EIPR1: variants seen among roughly 807,000 people sequenced by gnomAD.
The protein encoded by EIPR1 is EARP and GARP complex-interacting protein 1.
Under a neutral mutation model 48.1 loss-of-function variants are expected in EIPR1, and 25 were observed. The observed-to-expected ratio is 0.52, with a 90% confidence interval of 0.38 to 0.73. The LOEUF is 0.73. Ranked by LOEUF, EIPR1 falls within the 30% of genes least tolerant of loss-of-function variation. EIPR1 has a pLI of 0.00. For missense variants in EIPR1, 415 were observed against 506.2 expected (o/e 0.82, Z 1.73); for synonymous variants, 204 against 201.9 (o/e 1.01, Z -0.09).
At chr2:3,202,232 C>G (rs367643717) in intron 5 of EIPR1, among the ~76,000 whole-genome samples, 6 of 152,246 alleles carry the variant, frequency 3.9e-5, no homozygotes, top group African/African-American at 1.4e-4. Context: ...CCACCGCACC[C>G]GGCCTAGGTT....
Position 3,280,884 on chromosome 2 carries a change from C to T in EIPR1, c.260-23429G>A, listed in dbSNP as rs555388936. Reference sequence around the variant, plus strand: ...GAGCACAAGCAGCCAGTGCCACCCGCGCCTCCTCCTGTGGTCATTTCCAGG... The same window carrying T: ...GAGCACAAGCAGCCAGTGCCACCCGTGCCTCCTCCTGTGGTCATTTCCAGG... On this transcript the variant is annotated intron_variant, in intron 3 of 8. Coordinates refer to ENST00000382125, the MANE Select transcript of EIPR1 (RefSeq NM_003310.5). Among the ~76,000 whole-genome samples the T allele has an allele frequency of 4.0e-5, 6 of 151,870 alleles. No individual in the cohort carries two copies. In the East Asian group the frequency reaches 7.8e-4, roughly 20 times the overall value.
intron 8 of EIPR1, among the ~76,000 whole-genome samples, chr2:3,190,367 C>G (rs545731647): frequency 5.2e-4 from 79 of 152,342 alleles, no homozygotes; most frequent in Non-Finnish European, 8.5e-4. Context: ...TTCACCCCCC[C>G]AGCAAGACGG....
At chr2:3,314,225 C>G (rs918690834) in intron 3 of EIPR1, among the ~76,000 whole-genome samples, 1 of 152,162 alleles carries the variant, frequency 6.6e-6, no homozygotes, top group African/African-American at 2.4e-5. Context: ...CCAGTTCTAA[C>G]GTGGGACGCT....
intron 6 of EIPR1, 68 bp from the exon 7 acceptor site, chr2:3,194,234 G>C (rs1384971026): frequency 6.4e-7 from 1 of 1,572,050 alleles, no homozygotes; most frequent in East Asian, 2.3e-5. Flanking sequence ...GCGTGCTGCG[G>C]GCACACACTG....
intron 5 of EIPR1, among the ~76,000 whole-genome samples, chr2:3,206,627 T>C (rs1002843342): frequency 6.6e-6 from 1 of 152,250 alleles, no homozygotes; most frequent in African/African-American, 2.4e-5. Context: ...CACTCCTCCT[T>C]TGCTACACAA....
intron 3 of EIPR1, among the ~76,000 whole-genome samples, chr2:3,304,288 G>A (rs758069085): frequency 4.6e-5 from 7 of 152,298 alleles, no homozygotes; most frequent in South Asian, 2.1e-4. Context: ...AAGTGTCCAG[G>A]GTTCCCAGCG....
intron 4 of EIPR1, among the ~76,000 whole-genome samples, chr2:3,228,212 T>C (rs1666126411): frequency 6.6e-6 from 1 of 152,246 alleles, no homozygotes; most frequent in South Asian, 2.1e-4. Context: ...GTGGCAGAGC[T>C]GCCCAAGGAA....
intron 4 of EIPR1, among the ~76,000 whole-genome samples, chr2:3,243,600 C>T (rs1401089730): frequency 6.6e-6 from 1 of 152,100 alleles, no homozygotes; most frequent in Non-Finnish European, 1.5e-5. Context: ...CACTGCACTC[C>T]AGCCTGGGTG....
At chr2:3,290,905 A>G (rs1020622299) in intron 3 of EIPR1, among the ~76,000 whole-genome samples, 2 of 152,228 alleles carry the variant, frequency 1.3e-5, no homozygotes, top group Non-Finnish European at 2.9e-5. Flanking sequence ...CAGAGAATCT[A>G]TTTTATCTCG....
At chr2:3,376,101 C>T (rs1442590551) in intron 1 of EIPR1, among the ~76,000 whole-genome samples, 1 of 151,890 alleles carries the variant, frequency 6.6e-6, no homozygotes, top group Non-Finnish European at 1.5e-5. Context: ...ATGGCGAAAC[C>T]CCATTTCTAC....
At chr2:3,349,025 A>G (rs914027926) in intron 2 of EIPR1, among the ~76,000 whole-genome samples, 1 of 152,208 alleles carries the variant, frequency 6.6e-6, no homozygotes, top group African/African-American at 2.4e-5. Flanking sequence ...TTTTCAGGAC[A>G]TCTCACCCCA....
intron 4 of EIPR1, chr2:3,214,521 G>T: frequency 3.1e-6 from 1 of 321,938 alleles, no homozygotes; most frequent in East Asian, 6.4e-5. Context: ...AATGTACACA[G>T]GGGCTATGTC....
At chr2:3,259,292 C>CG (rs915921991) in intron 3 of EIPR1, among the ~76,000 whole-genome samples, 2 of 152,036 alleles carry the variant, frequency 1.3e-5, no homozygotes, top group South Asian at 2.1e-4. Context: ...GACACTCCCC[C>CG]CCACATCCCC....
chr2:3,235,062 T>C (rs1416454208), intron 4 of EIPR1, among the ~76,000 whole-genome samples: 1 of 152,234 alleles, frequency 6.6e-6, no homozygotes, highest in Non-Finnish European at 1.5e-5. Context: ...CTGTGTGTGT[T>C]TTCCACCGGC....
At chr2:3,367,145 CT>C (rs1670994453) in intron 1 of EIPR1, among the ~76,000 whole-genome samples, 1 of 151,186 alleles carries the variant, frequency 6.6e-6, no homozygotes, top group Non-Finnish European at 1.5e-5. Flanking sequence ...AAGACAAATC[CT>C]CAATTCTCAG....
chr2:3,356,062 G>A (rs950939540), intron 1 of EIPR1, among the ~76,000 whole-genome samples: 2 of 152,206 alleles, frequency 1.3e-5, no homozygotes, highest in Non-Finnish European at 2.9e-5. Context: ...GGCTGAGGGA[G>A]AAGATGAAAT....
chr2:3,310,440 T>G (rs1669089956), intron 3 of EIPR1, among the ~76,000 whole-genome samples: 1 of 144,012 alleles, frequency 6.9e-6, no homozygotes, highest in Non-Finnish European at 1.5e-5. Context: ...GATCACAAGG[T>G]CAGGAGACTG....
intron 3 of EIPR1, among the ~76,000 whole-genome samples, chr2:3,273,481 G>C (rs1028929459): frequency 1.3e-5 from 2 of 152,058 alleles, no homozygotes; most frequent in African/African-American, 2.4e-5. Flanking sequence ...GAATGAGCTA[G>C]AAAACATTAT....
Position 3,276,331 on chromosome 2 carries a change from T to C in EIPR1, c.260-18876A>G, listed in dbSNP as rs75664787. On this transcript the variant is annotated intron_variant, in intron 3 of 8. Transcript: ENST00000382125. Reference sequence around the variant, plus strand: ...TCATCTCCAGACAGAGAACGGATGATGTGGGAGCCCATGCTGAATAAATAC... The same window carrying C: ...TCATCTCCAGACAGAGAACGGATGACGTGGGAGCCCATGCTGAATAAATAC... Among the ~76,000 whole-genome samples the C allele has an allele frequency of 4.7e-4, 72 of 152,372 alleles. No homozygotes were observed. In the East Asian group the frequency reaches 0.013, roughly 27 times the overall value.
Sources: gnomAD v4.1 joint callset for allele counts (sites outside exome capture counted in the v4.1 genomes callset) on GRCh38, gnomAD v4.1.1 for gene constraint, MANE v1.5 for transcripts, NCBI Gene and HGNC (gene_info 2026-07-23, HGNC 2026-07-21) for gene names.